Variants in SCYL2 observed in about 807,000 individuals in gnomAD.
SCYL2 encodes SCY1 like pseudokinase 2, also known as SCY1-like protein 2.
SCYL2 carries 36 observed loss-of-function variants against 100.4 expected under a neutral mutation model. The ratio of observed to expected loss-of-function variants is 0.36; its 90% CI spans 0.27 to 0.47. The LOEUF (loss-of-function observed/expected upper bound fraction) is 0.47, where lower values mean the gene tolerates loss of function less well. Among genes scored for constraint, SCYL2 ranks in the 20% least tolerant of loss-of-function variants. The pLI, the probability that SCYL2 is intolerant of heterozygous loss-of-function variation, is 1.00. For synonymous variants in SCYL2, 330 were observed against 359.2 expected, an observed-to-expected ratio of 0.92 and a Z score of 0.92; for missense variants, 902 against 1,083.9, an observed-to-expected ratio of 0.83 and a Z score of 2.36.
intron 3 of SCYL2, among the ~76,000 whole-genome samples, chr12:100,294,456 G>A (rs1592940246): frequency 9.4e-6 from 1 of 105,940 alleles, no homozygotes; most frequent in African/African-American, 3.8e-5. Context: ...AGTAGGGGCG[G>A]CCGGGCAGAG....
chr12:100,339,480 T>C lies in SCYL2; in HGVS notation c.*308T>C, dbSNP rs1040440146. The C allele has an allele frequency of 4.9e-5, 15 of 303,368 alleles. No individual in the cohort carries two copies. Among genetic ancestry groups the C allele is most frequent in the South Asian group, 4.3e-4 (9 of 20,724 alleles). The allele number at this position is 303,368 out of a possible 1,614,324, so 18.8% of individuals were successfully genotyped here. On this transcript the variant is annotated 3_prime_UTR_variant, in exon 18 of 18. Transcript: ENST00000360820. ...AATAACATAACTTTTTAATCAAATG[T>C]TTATTTTGGCTTGTGGATCTTGGTG...
chr12:100,324,432 C>T (rs1172259340), intron 11 of SCYL2, among the ~76,000 whole-genome samples: 2 of 152,052 alleles, frequency 1.3e-5, no homozygotes, highest in South Asian at 2.1e-4. Context: ...ATTAAATTTG[C>T]ATTTTGTAAA....
chr12:100,294,436 C>G (rs1356164271), intron 3 of SCYL2, among the ~76,000 whole-genome samples: 1 of 115,336 alleles, frequency 8.7e-6, no homozygotes, highest in Non-Finnish European at 1.8e-5. Flanking sequence ...GGGGGGGCTC[C>G]TCACTTCCCA....
chr12:100,311,510 G>A (rs1035354032), intron 5 of SCYL2, among the ~76,000 whole-genome samples: 1 of 151,908 alleles, frequency 6.6e-6, no homozygotes, highest in East Asian at 1.9e-4. Flanking sequence ...ATTGGGTCAT[G>A]GAATATTCTT....
chr12:100,281,019 G>GTT (rs202048587), intron 1 of SCYL2, among the ~76,000 whole-genome samples: 756 of 50,422 alleles, frequency 0.015, 160 homozygotes, highest in Non-Finnish European at 0.019. Flanking sequence ...TACCATCAGT[G>GTT]TTTTTTTTTT....
chr12:100,335,995 A>T (rs957803203), intron 16 of SCYL2, 89 bp downstream of exon 16: 63 of 900,218 alleles, frequency 7.0e-5, no homozygotes, highest in Middle Eastern at 2.4e-4. Context: ...AATACTGTTC[A>T]GCAGCTTAAC....
Position 100,314,483 on chromosome 12 carries a change from T to C in SCYL2, c.970-6T>C. Reference sequence around the variant, plus strand: ...TATCAAAATACTTTATTTCCATTTTTTTTAGATTCCCTTCTTTGATGATGT... The same window carrying C: ...TATCAAAATACTTTATTTCCATTTTCTTTAGATTCCCTTCTTTGATGATGT... On this transcript the variant is annotated splice_region_variant and splice_polypyrimidine_tract_variant and intron_variant, in intron 7 of 17. Transcript: ENST00000360820. 1 of 1,576,004 alleles carries C rather than the reference T, an allele frequency of 6.3e-7. No individual in the cohort carries two copies. The highest frequency in any genetic ancestry group is 8.7e-7 in the Non-Finnish European group (1 of 1,153,456).
At chr12:100,270,278 C>T (rs1313157517) in intron 1 of SCYL2, among the ~76,000 whole-genome samples, 2 of 152,046 alleles carry the variant, frequency 1.3e-5, no homozygotes, top group Non-Finnish European at 2.9e-5. Flanking sequence ...TGAGCCACCG[C>T]GCCTGGCCGA....
chr12:100,332,908 GTC>G lies in SCYL2; in HGVS notation c.1762-1253_1762-1252del, dbSNP rs575403941. On this transcript the variant is annotated intron_variant, in intron 13 of 17. Transcript: ENST00000360820. ...TTTTGTATTTTTTTGTAGAGATGTG[GTC>G]TCTCCACGTTGCCCAGGCTGGTCTC... is the stretch of plus-strand genomic sequence containing the variant. Among the ~76,000 whole-genome samples the G allele has an allele frequency of 1.2e-3, 183 of 151,824 alleles. 1 individual carries two copies. The highest frequency in any genetic ancestry group is 1.9e-3 in the Non-Finnish European group (132 of 67,934).
chr12:100,330,715 T>A (rs74933782), intron 13 of SCYL2, among the ~76,000 whole-genome samples: 1,682 of 152,240 alleles, frequency 0.011, 19 homozygotes, highest in South Asian at 0.048. Flanking sequence ...GGGAGAGTGC[T>A]GAGTGAGCAG....
chr12:100,323,553 T>C lies in SCYL2; in HGVS notation c.1424T>C (p.Phe475Ser). 6.2e-7 allele frequency: 1 copy of C among 1,600,668 alleles called. No homozygotes were observed. Among genetic ancestry groups the C allele is most frequent in the Non-Finnish European group, 8.5e-7 (1 of 1,171,398 alleles). The change falls in exon 11 of 18, where the codon TTT becomes TCT. Residue 475 changes from phenylalanine to serine, a missense_variant. Transcript: ENST00000360820. ...CTCTGTCTAAACATCATTCCAACCT[T>C]TGCAAATCTTATAGACTACCCATCC... Reference protein sequence around the residue: ...QELCLNIIPTFANLIDYPSMK... With the variant: ...QELCLNIIPTSANLIDYPSMK...
intron 5 of SCYL2, 47 bp from the exon 6 acceptor site, chr12:100,312,385 T>C: frequency 7.5e-7 from 1 of 1,325,916 alleles, no homozygotes; most frequent in South Asian, 1.2e-5. Flanking sequence ...TTGATAGTTG[T>C]TTGGTTGAAT....
chr12:100,289,706 G>A (rs2096308360), intron 2 of SCYL2, among the ~76,000 whole-genome samples: 1 of 152,240 alleles, frequency 6.6e-6, no homozygotes, highest in African/African-American at 2.4e-5. Context: ...GTTCAGGGTC[G>A]ACATAATAAA....
chr12:100,317,691 T>G, intron 9 of SCYL2, 112 bp from the exon 10 acceptor site: 1 of 1,430,022 alleles, frequency 7.0e-7, no homozygotes, highest in Admixed American at 3.3e-5. Context: ...GCTAGCAACA[T>G]GGTGAGTGTC....
chr12:100,285,024 G>C (rs2096302944), intron 2 of SCYL2, among the ~76,000 whole-genome samples: 1 of 152,124 alleles, frequency 6.6e-6, no homozygotes, highest in Non-Finnish European at 1.5e-5. Flanking sequence ...TGTGTGGTCT[G>C]ATTAATTTTT....
At chr12:100,338,385 C>T (rs980472293) in intron 17 of SCYL2, 143 bp from the exon 18 acceptor site, 7 of 577,384 alleles carry the variant, frequency 1.2e-5, no homozygotes, top group African/African-American at 3.8e-5. Flanking sequence ...TGTATTTGAC[C>T]GGCAGGCTAT....
At chr12:100,311,828 G>T (rs974639213) in intron 5 of SCYL2, among the ~76,000 whole-genome samples, 4 of 152,310 alleles carry the variant, frequency 2.6e-5, no homozygotes, top group African/African-American at 9.6e-5. Context: ...GATTGGGTCT[G>T]CATGGCATAG....
intron 4 of SCYL2, 111 bp downstream of exon 4, chr12:100,298,286 G>A: frequency 1.3e-6 from 1 of 767,702 alleles, no homozygotes; most frequent in Admixed American, 3.7e-5. Context: ...TTTGGTTCTT[G>A]TTAGTAATTT....
chr12:100,314,478 A>T lies in SCYL2; in HGVS notation c.970-11A>T. ...ACATTTATCAAAATACTTTATTTCC[A>T]TTTTTTTTAGATTCCCTTCTTTGAT... On this transcript the variant is annotated splice_polypyrimidine_tract_variant and intron_variant, in intron 7 of 17. Coordinates refer to ENST00000360820, the MANE Select transcript of SCYL2 (RefSeq NM_017988.6). 1 of 1,565,342 alleles carries T rather than the reference A, an allele frequency of 6.4e-7. No homozygotes were observed. Among genetic ancestry groups the T allele is most frequent in the Non-Finnish European group, 8.7e-7 (1 of 1,144,974 alleles).
Sources: gnomAD v4.1 joint callset for allele counts (sites outside exome capture counted in the v4.1 genomes callset) on GRCh38, gnomAD v4.1.1 for gene constraint, MANE v1.5 for transcripts, NCBI Gene and HGNC (gene_info 2026-07-23, HGNC 2026-07-21) for gene names.